The following CACNB2 variants were observed in gnomAD, a reference collection of about 807,000 sequenced individuals.
CACNB2 encodes calcium voltage-gated channel auxiliary subunit beta 2.
Under a neutral mutation model 73.3 loss-of-function variants are expected in CACNB2, and 42 were observed. That is an observed-to-expected ratio of 0.57 (90% CI 0.45 to 0.74). CACNB2 has a LOEUF of 0.74. CACNB2 is among the 30% of genes least tolerant of loss of function. The pLI is 0.00. For synonymous variants in CACNB2, 348 were observed against 310.3 expected, an observed-to-expected ratio of 1.12 and a Z score of -1.28; for missense variants, 940 against 853.0, an observed-to-expected ratio of 1.10 and a Z score of -1.27.
At chr10:18,323,969 G>A (rs776208087) in intron 2 of CACNB2, among the ~76,000 whole-genome samples, 149 of 152,258 alleles carry the variant, frequency 9.8e-4, no homozygotes, top group Non-Finnish European at 1.8e-3. Context: ...TCCATGAATA[G>A]CCTGCTGATG....
chr10:18,348,345 T>C (rs1411544540), intron 2 of CACNB2, among the ~76,000 whole-genome samples: 7 of 152,228 alleles, frequency 4.6e-5, no homozygotes, highest in Non-Finnish European at 1.0e-4. Flanking sequence ...TTTTGTCAAA[T>C]GTCTCTTTAA....
At position 18,202,605 on chromosome 10, in the gene CACNB2, A is replaced by C. The variant is rs150361312; in HGVS notation, c.213+51630A>C. 5.2e-3 allele frequency among the ~76,000 whole-genome samples: 786 copies of C among 152,348 alleles called. 7 individuals are homozygous for C. Among genetic ancestry groups the C allele is most frequent in the South Asian group, 0.046 (220 of 4,832 alleles). ...AAGCAAATTAGAGATGATATAGTTT[A>C]AGGATTTAGTATAGTTCCTGGAACA... On this transcript the variant is annotated intron_variant, in intron 2 of 13. Transcript: ENST00000324631.
chr10:18,447,917 C>T (rs549251503), intron 3 of CACNB2, among the ~76,000 whole-genome samples: 2 of 151,992 alleles, frequency 1.3e-5, no homozygotes, highest in Non-Finnish European at 2.9e-5. Context: ...CTTTTAAGGG[C>T]ATGGGCAAAA....
At chr10:18,398,349 G>A (rs1011881784) in intron 2 of CACNB2, among the ~76,000 whole-genome samples, 5 of 152,028 alleles carry the variant, frequency 3.3e-5, no homozygotes, top group Non-Finnish European at 7.4e-5. Flanking sequence ...TCAATGCTGG[G>A]TGCATATAAC....
At chr10:18,310,563 C>A (rs184450586) in intron 2 of CACNB2, among the ~76,000 whole-genome samples, 2 of 134,006 alleles carry the variant, frequency 1.5e-5, no homozygotes, top group African/African-American at 5.6e-5. Flanking sequence ...CAAGATCATG[C>A]CATTGCACTC....
At chr10:18,189,721 A>G (rs1037275003) in intron 2 of CACNB2, among the ~76,000 whole-genome samples, 1 of 152,110 alleles carries the variant, frequency 6.6e-6, no homozygotes, top group Admixed American at 6.5e-5. Context: ...TAGAATTTGA[A>G]TTTTTCAGCA....
chr10:18,318,747 C>T (rs1253641149), intron 2 of CACNB2, among the ~76,000 whole-genome samples: 1 of 151,990 alleles, frequency 6.6e-6, no homozygotes, highest in African/African-American at 2.4e-5. Flanking sequence ...GGAACTTGAA[C>T]AAATTTACAA....
At chr10:18,348,604 C>T (rs183242248) in intron 2 of CACNB2, among the ~76,000 whole-genome samples, 115 of 152,202 alleles carry the variant, frequency 7.6e-4, no homozygotes, top group African/African-American at 2.5e-3. Context: ...ACCTCCACCT[C>T]CTGATTCTCC....
intron 2 of CACNB2, among the ~76,000 whole-genome samples, chr10:18,276,291 T>A (rs1184777856): frequency 6.6e-6 from 1 of 152,200 alleles, no homozygotes; most frequent in African/African-American, 2.4e-5. Flanking sequence ...ATCGTGTACT[T>A]GCTAACCTAC....
intron 2 of CACNB2, among the ~76,000 whole-genome samples, chr10:18,199,989 ATTG>A (rs199984425): frequency 0.023 from 2,149 of 94,420 alleles, 54 homozygotes; most frequent in African/African-American, 0.072. Context: ...GTGTGTCTGT[ATTG>A]TTGTAAACAA....
At chr10:18,442,685 C>CGT (rs1308878334) in intron 3 of CACNB2, among the ~76,000 whole-genome samples, 1 of 150,418 alleles carries the variant, frequency 6.6e-6, no homozygotes, top group African/African-American at 2.4e-5. Context: ...ATTAGCTGGG[C>CGT]GTGGTGGCAC....
chr10:18,528,181 A>G (rs2052663612), intron 10 of CACNB2, among the ~76,000 whole-genome samples: 1 of 152,202 alleles, frequency 6.6e-6, no homozygotes, highest in South Asian at 2.1e-4. Context: ...TTCTCAGGAG[A>G]GTGTAATTTG....
At chr10:18,421,987 A>G (rs1021505575) in intron 3 of CACNB2, among the ~76,000 whole-genome samples, 3 of 152,222 alleles carry the variant, frequency 2.0e-5, no homozygotes, top group African/African-American at 7.2e-5. Flanking sequence ...ACTACTGTAA[A>G]TACTTTCTTG....
At chr10:18,351,019 G>A (rs2041682330) in intron 2 of CACNB2, among the ~76,000 whole-genome samples, 1 of 152,044 alleles carries the variant, frequency 6.6e-6, no homozygotes, top group African/African-American at 2.4e-5. Context: ...TTTTAAATGA[G>A]CTGCTTTTTT....
At chr10:18,288,924 C>G (rs1232138372) in intron 2 of CACNB2, among the ~76,000 whole-genome samples, 1 of 152,006 alleles carries the variant, frequency 6.6e-6, no homozygotes, top group African/African-American at 2.4e-5. Context: ...ACATGCCTGT[C>G]CTCCCAGCTA....
chr10:18,227,840 A>G (rs777738098), intron 2 of CACNB2, among the ~76,000 whole-genome samples: 5 of 152,218 alleles, frequency 3.3e-5, no homozygotes, highest in Non-Finnish European at 7.3e-5. Flanking sequence ...AGGAATCAAA[A>G]GGCATTTATT....
rs535732399 is a variant in CACNB2, at chr10:18,140,657, G to C, written c.-80G>C. ...CCTGGGCGGCCCCCAGAGCCGATCA[G>C]AGCGCGGGGAGGCGGGGGCGAGGAG... is the stretch of plus-strand genomic sequence containing the variant. On this transcript the variant is annotated 5_prime_UTR_variant, in exon 1 of 14. Coordinates refer to ENST00000324631, the MANE Select transcript of CACNB2 (RefSeq NM_201596.3). The C allele has an allele frequency of 8.4e-6, 11 of 1,308,510 alleles. No individual in the cohort carries two copies. The highest frequency in any genetic ancestry group is 1.2e-5 in the Non-Finnish European group (11 of 928,752). The allele number at this position is 1,308,510 out of a possible 1,614,324, so 81.1% of individuals were successfully genotyped here.
intron 2 of CACNB2, among the ~76,000 whole-genome samples, chr10:18,157,476 T>C (rs1328579557): frequency 6.6e-6 from 1 of 152,240 alleles, no homozygotes; most frequent in Non-Finnish European, 1.5e-5. Flanking sequence ...TTTAAGGGTT[T>C]ATTACTATTA....
intron 9 of CACNB2, among the ~76,000 whole-genome samples, chr10:18,521,332 G>A (rs2051859847): frequency 6.6e-6 from 1 of 152,236 alleles, no homozygotes. Flanking sequence ...TTACAGGGAA[G>A]AGAAGGGTAT....
Sources: allele counts gnomAD v4.1 joint callset (sites outside exome capture counted in the v4.1 genomes callset), GRCh38; gene constraint gnomAD v4.1.1; transcripts MANE v1.5; gene names NCBI Gene and HGNC (gene_info 2026-07-23, HGNC 2026-07-21).